DIAPH2: variants seen among roughly 807,000 people sequenced by gnomAD.
DIAPH2 encodes the protein diaphanous related formin 2.
In DIAPH2, 35 loss-of-function variants were observed where a neutral mutation model predicts 92.7. The ratio of observed to expected loss-of-function variants is 0.38; its 90% CI spans 0.29 to 0.50. The LOEUF (loss-of-function observed/expected upper bound fraction) is 0.50, where lower values mean the gene tolerates loss of function less well. Ranked by LOEUF, DIAPH2 falls within the 20% of genes least tolerant of loss-of-function variation. DIAPH2 has a pLI of 0.94. For missense variants in DIAPH2, 701 were observed against 819.5 expected, an observed-to-expected ratio of 0.86 and a Z score of 1.77; for synonymous variants, 301 against 280.4, an observed-to-expected ratio of 1.07 and a Z score of -0.73.
At chrX:97,005,562 G>A (rs1373370727) in intron 17 of DIAPH2, among the ~76,000 whole-genome samples, 2 of 110,654 alleles carry the variant, frequency 1.8e-5, no homozygotes, top group African/African-American at 3.3e-5. Context: ...TTTTGGGGAC[G>A]GAGTCTCACT....
rs752274134 is a variant in DIAPH2, at chrX:97,007,867, A to G, written c.2050+42660A>G. On this transcript the variant is annotated intron_variant, in intron 17 of 26. Coordinates refer to ENST00000324765, the MANE Select transcript of DIAPH2 (RefSeq NM_006729.5). ...AAGCTCCGCCTCCCAGGTTCACGCC[A>G]TTCTCCTGCCTCAGCCTCCTGAGTA... is the stretch of plus-strand genomic sequence containing the variant. Among the ~76,000 whole-genome samples the G allele has an allele frequency of 1.1e-4, 11 of 97,764 alleles. No homozygotes were observed. The South Asian group carries it at 5.5e-3, about 49-fold the overall frequency. 84.9% of individuals were successfully genotyped at this position (97,764 alleles called of 115,157 possible). A position where few individuals can be genotyped will look rare whatever the true frequency, so the allele number is the denominator to read the frequency against.
At chrX:96,921,849 A>G (rs2065547281) in intron 9 of DIAPH2, among the ~76,000 whole-genome samples, 1 of 110,743 alleles carries the variant, frequency 9.0e-6, no homozygotes, top group African/African-American at 3.3e-5. Context: ...GTACATGTAT[A>G]TACATACAGA....
chrX:97,352,451 A>G (rs1385293581), intron 24 of DIAPH2, among the ~76,000 whole-genome samples: 2 of 111,238 alleles, frequency 1.8e-5, no homozygotes, highest in African/African-American at 6.5e-5. Context: ...GCTAATGAGG[A>G]TATCAAAGGT....
intron 26 of DIAPH2, among the ~76,000 whole-genome samples, chrX:97,500,277 A>T (rs182028561): frequency 4.8e-4 from 54 of 111,446 alleles, no homozygotes; most frequent in African/African-American, 1.7e-3. Context: ...TGAGCTCTGA[A>T]AGCCTAAGAT....
chrX:97,433,961 G>A (rs1300603381), intron 26 of DIAPH2, among the ~76,000 whole-genome samples: 4 of 111,974 alleles, frequency 3.6e-5, no homozygotes, highest in Non-Finnish European at 7.5e-5. Context: ...ACTGAAGGAT[G>A]AGTAGGGATT....
chrX:96,730,879 G>A (rs1035023028), intron 1 of DIAPH2, among the ~76,000 whole-genome samples: 6 of 110,637 alleles, frequency 5.4e-5, no homozygotes, highest in Admixed American at 1.9e-4. Flanking sequence ...GGCTGAGTCC[G>A]AAAAGAGAGT....
chrX:97,179,228 A>C (rs1474454944), intron 22 of DIAPH2, among the ~76,000 whole-genome samples: 2 of 99,048 alleles, frequency 2.0e-5, no homozygotes, highest in African/African-American at 7.5e-5. Context: ...CTGTACTCTG[A>C]GTGTGCCTTT....
intron 20 of DIAPH2, among the ~76,000 whole-genome samples, chrX:97,103,000 A>G (rs939892301): frequency 1.8e-5 from 2 of 111,887 alleles, no homozygotes; most frequent in African/African-American, 6.5e-5. Flanking sequence ...GTCCAAGGTT[A>G]CATAGTAACT....
chrX:97,125,217 G>A (rs926421331), intron 21 of DIAPH2, among the ~76,000 whole-genome samples: 5 of 111,220 alleles, frequency 4.5e-5, no homozygotes, highest in African/African-American at 9.8e-5. Context: ...GCTCACGCCT[G>A]TAATCCCAGC....
At chrX:97,568,137 A>C (rs1449837288) in intron 26 of DIAPH2, among the ~76,000 whole-genome samples, 1 of 107,957 alleles carries the variant, frequency 9.3e-6, no homozygotes, top group Non-Finnish European at 1.9e-5. Flanking sequence ...AAAAAAAAAA[A>C]AAGAGTGGTT....
chrX:97,245,014 G>A (rs2068128123), intron 22 of DIAPH2, among the ~76,000 whole-genome samples: 1 of 110,600 alleles, frequency 9.0e-6, no homozygotes, highest in Non-Finnish European at 1.9e-5. Flanking sequence ...ACTTGAACCA[G>A]GGAATCGGAG....
chrX:97,476,968 A>ATATATAT (rs1374547099), intron 26 of DIAPH2, among the ~76,000 whole-genome samples: 8 of 33,598 alleles, frequency 2.4e-4, no homozygotes, highest in Non-Finnish European at 2.6e-4. Context: ...AAAAAAAAAA[A>ATATATAT]ATATATATAT....
At chrX:97,583,652 G>A (rs1333598421) in intron 26 of DIAPH2, among the ~76,000 whole-genome samples, 24 of 112,072 alleles carry the variant, frequency 2.1e-4, no homozygotes, top group South Asian at 3.7e-4. Flanking sequence ...GCCCCCAGAG[G>A]TGGAGCCTAC....
At chrX:97,335,905 A>T (rs186834530) in intron 23 of DIAPH2, among the ~76,000 whole-genome samples, 29 of 111,785 alleles carry the variant, frequency 2.6e-4, no homozygotes, top group Admixed American at 1.1e-3. Flanking sequence ...GGCAAGAAAG[A>T]GTTTTAAATG....
At chrX:96,811,697 C>A (rs765196719) in intron 4 of DIAPH2, among the ~76,000 whole-genome samples, 1 of 111,555 alleles carries the variant, frequency 9.0e-6, no homozygotes, top group African/African-American at 3.3e-5. Context: ...TACATTCTGT[C>A]AATATCTAGT....
At chrX:96,785,475 CTTTTTTTTTTTTTTTTTT>C (rs1157552270) in intron 4 of DIAPH2, among the ~76,000 whole-genome samples, 1 of 57,203 alleles carries the variant, frequency 1.7e-5, no homozygotes, top group Non-Finnish European at 3.2e-5. Flanking sequence ...CCAAACTTGC[CTTTTTTTTTTTTTTTTTT>C]TTTTGGAGAC....
intron 22 of DIAPH2, among the ~76,000 whole-genome samples, chrX:97,243,602 C>G (rs1479624131): frequency 9.0e-6 from 1 of 111,677 alleles, no homozygotes; most frequent in African/African-American, 3.3e-5. Flanking sequence ...CTCTTTTGTT[C>G]AGGCATAATA....
intron 5 of DIAPH2, chrX:96,885,197 C>A: frequency 1.5e-6 from 1 of 674,439 alleles, no homozygotes; most frequent in Non-Finnish European, 2.2e-6. Flanking sequence ...AAAAAAAAAT[C>A]TCAAGTGGCA....
At chrX:97,387,679 T>C (rs751967225) in intron 25 of DIAPH2, among the ~76,000 whole-genome samples, 20 of 112,015 alleles carry the variant, frequency 1.8e-4, no homozygotes, top group African/African-American at 6.2e-4. Context: ...ACCAAAATAA[T>C]GTTTGACCAA....
Sources: allele counts gnomAD v4.1 joint callset (sites outside exome capture counted in the v4.1 genomes callset), GRCh38; gene constraint gnomAD v4.1.1; transcripts MANE v1.5; gene names NCBI Gene and HGNC (gene_info 2026-07-23, HGNC 2026-07-21).